The following RHEX variants were observed in gnomAD, a reference collection of about 807,000 sequenced individuals.
RHEX encodes the protein regulator of hemoglobinization and erythroid cell expansion protein.
RHEX carries 18 observed loss-of-function variants against 20.1 expected under a neutral mutation model. That is an observed-to-expected ratio of 0.90 (90% CI 0.62 to 1.33). The LOEUF is 1.33. Ranked by LOEUF, RHEX falls within the 40% of genes most tolerant of loss-of-function variation. RHEX has a pLI of 0.00. For missense variants in RHEX, 192 were observed against 214.3 expected (o/e 0.90, Z 0.65); for synonymous variants, 87 against 77.1 (o/e 1.13, Z -0.67).
intron 1 of RHEX, among the ~76,000 whole-genome samples, chr1:206,068,735 T>A (rs1662475407): frequency 6.6e-6 from 1 of 152,246 alleles, no homozygotes; most frequent in Admixed American, 6.5e-5. Context: ...GTGGAAATTT[T>A]AAACAGGTTT....
chr1:206,092,050 T>TTC (rs1294755530), intron 1 of RHEX, among the ~76,000 whole-genome samples: 3 of 144,764 alleles, frequency 2.1e-5, no homozygotes, highest in South Asian at 2.1e-4. Context: ...CTTTCTCTCT[T>TTC]TCTCTCTCTC....
intron 1 of RHEX, among the ~76,000 whole-genome samples, chr1:206,094,021 G>A (rs575217760): frequency 1.3e-5 from 2 of 152,270 alleles, no homozygotes; most frequent in South Asian, 4.1e-4. Context: ...CTACATTAGT[G>A]TGGGGGCTGG....
At chr1:206,068,682 A>G (rs782675193) in intron 1 of RHEX, among the ~76,000 whole-genome samples, 1 of 152,244 alleles carries the variant, frequency 6.6e-6, no homozygotes. Flanking sequence ...AGCCAATTGT[A>G]TATAAATCTT....
chr1:206,092,737 G>A (rs895433355), intron 1 of RHEX, among the ~76,000 whole-genome samples: 2 of 151,950 alleles, frequency 1.3e-5, no homozygotes, highest in Non-Finnish European at 2.9e-5. Context: ...CTGTTTCTGA[G>A]ATTAATAGTC....
At chr1:206,064,656 G>T (rs1426362945) in intron 1 of RHEX, among the ~76,000 whole-genome samples, 2 of 147,918 alleles carry the variant, frequency 1.4e-5, no homozygotes, top group African/African-American at 5.0e-5. Flanking sequence ...GGGAGGTGGG[G>T]GGGTCAGCCC....
chr1:206,094,570 C>A lies in RHEX; in HGVS notation c.-96-3163C>A, dbSNP rs559309986. Among the ~76,000 whole-genome samples, 22 of 152,328 alleles carry A rather than the reference C, an allele frequency of 1.4e-4. No individual in the cohort carries two copies. In the South Asian group the frequency reaches 2.3e-3, roughly 16 times the overall value. Reference sequence around the variant, plus strand: ...CTCTGTGAAGTAGGAAACTATTATTCTTCTCACTTTATAGATACTGAAATT... The same window carrying A: ...CTCTGTGAAGTAGGAAACTATTATTATTCTCACTTTATAGATACTGAAATT... On this transcript the variant is annotated intron_variant, in intron 1 of 5. Coordinates refer to ENST00000331555, the MANE Select transcript of RHEX (RefSeq NM_001007544.4).
intron 1 of RHEX, among the ~76,000 whole-genome samples, chr1:206,059,945 A>T (rs1319666916): frequency 2.0e-5 from 3 of 152,036 alleles, no homozygotes; most frequent in African/African-American, 2.4e-5. Flanking sequence ...CCCCTCTCAC[A>T]TGCCCTCCCC....
intron 1 of RHEX, among the ~76,000 whole-genome samples, chr1:206,085,399 A>G (rs566321009): frequency 1.8e-4 from 27 of 152,332 alleles, no homozygotes; most frequent in Non-Finnish European, 2.8e-4. Flanking sequence ...TAGCAGGCCA[A>G]TCGATGAAAC....
intron 1 of RHEX, among the ~76,000 whole-genome samples, chr1:206,095,636 G>A (rs1001501217): frequency 1.3e-5 from 2 of 152,136 alleles, no homozygotes; most frequent in Non-Finnish European, 2.9e-5. Flanking sequence ...GACCAACATG[G>A]AGAAACCCCG....
intron 1 of RHEX, among the ~76,000 whole-genome samples, chr1:206,063,602 C>G (rs34775252): frequency 6.6e-6 from 1 of 152,234 alleles, no homozygotes; most frequent in Admixed American, 6.5e-5. Flanking sequence ...CTGTGTTGGC[C>G]GGGCTGGTCT....
intron 1 of RHEX, among the ~76,000 whole-genome samples, chr1:206,057,825 A>G (rs1444664457): frequency 3.9e-5 from 6 of 152,262 alleles, no homozygotes; most frequent in Non-Finnish European, 8.8e-5. Context: ...CTTGGTCACA[A>G]GATGTCTCAT....
At chr1:206,094,619 A>C (rs979199417) in intron 1 of RHEX, among the ~76,000 whole-genome samples, 1 of 152,226 alleles carries the variant, frequency 6.6e-6, no homozygotes, top group Non-Finnish European at 1.5e-5. Context: ...ACTGAATTCA[A>C]TAATTAACAT....
Position 206,101,829 on chromosome 1 carries a change from T to C in RHEX, c.396T>C (p.Tyr132=). ...GELKNDSPLD[Y]ENIKEITDYV... is the part of the protein sequence containing the mutation. The stretch of plus-strand genomic sequence containing the variant: ...TAAAAAATGACTCCCCGCTGGACTA[T>C]GAGAACATAAAGGAAATCACAGATT... Residue 132 remains tyrosine (Y), a synonymous_variant, in exon 6 of 6, where the codon TAT becomes TAC. Coordinates refer to ENST00000331555, the MANE Select transcript of RHEX (RefSeq NM_001007544.4). The C allele has an allele frequency of 6.2e-7, 1 of 1,613,942 alleles. No homozygotes were observed. Among genetic ancestry groups the C allele is most frequent in the East Asian group, 2.2e-5 (1 of 44,884 alleles).
rs1663191594 is a variant in RHEX, at chr1:206,101,736, C to T, written c.319-16C>T. 1.2e-6 allele frequency: 2 copies of T among 1,603,342 alleles called. No individual in the cohort carries two copies. The highest frequency in any genetic ancestry group is 3.4e-5 in the Admixed American group (2 of 59,142). Reference sequence around the variant, plus strand: ...GGTAGGGATCTTGACCCACATGTCTCTGCTTTTCTCCTAAGGCCACAGAGG... The same window carrying T: ...GGTAGGGATCTTGACCCACATGTCTTTGCTTTTCTCCTAAGGCCACAGAGG... On this transcript the variant is annotated splice_polypyrimidine_tract_variant and intron_variant, in intron 5 of 5. Coordinates refer to ENST00000331555, the MANE Select transcript of RHEX (RefSeq NM_001007544.4).
chr1:206,053,544 G>A (rs180805570), intron 1 of RHEX, among the ~76,000 whole-genome samples: 38 of 152,174 alleles, frequency 2.5e-4, no homozygotes, highest in Admixed American at 2.0e-3. Context: ...GTTTTGTCTC[G>A]AAGAAGCATG....
At chr1:206,076,118 A>G (rs1662631795) in intron 1 of RHEX, among the ~76,000 whole-genome samples, 1 of 151,834 alleles carries the variant, frequency 6.6e-6, no homozygotes, top group South Asian at 2.1e-4. Context: ...CTTCCAGTCC[A>G]TTATTATGCT....
intron 3 of RHEX, among the ~76,000 whole-genome samples, chr1:206,099,295 C>T (rs1303097926): frequency 1.3e-5 from 2 of 151,032 alleles, no homozygotes; most frequent in African/African-American, 4.9e-5. Flanking sequence ...ATTCAAGAGC[C>T]GATGTGCCTA....
intron 1 of RHEX, among the ~76,000 whole-genome samples, chr1:206,063,925 G>A (rs1473636740): frequency 4.6e-5 from 7 of 151,290 alleles, no homozygotes; most frequent in South Asian, 2.1e-4. Flanking sequence ...CTGCCCGGCC[G>A]CCATCCCATC....
rs539856876 is a variant in RHEX at position 206,064,233 on chromosome 1, C to T, written c.-97+10968C>T. On this transcript the variant is annotated intron_variant, in intron 1 of 5. Transcript: ENST00000331555. The stretch of plus-strand genomic sequence containing the variant: ...CTGGGAAGTGAGGAGCGTCTCTGCC[C>T]GGCAGCCACCCCGTCCGGGAGGGAG... 1.6e-4 allele frequency among the ~76,000 whole-genome samples: 23 copies of T among 147,750 alleles called. 1 individual carries two copies. The South Asian group carries it at 3.2e-3, about 21-fold the overall frequency.
Sources: gnomAD v4.1 joint callset for allele counts (sites outside exome capture counted in the v4.1 genomes callset) on GRCh38, gnomAD v4.1.1 for gene constraint, MANE v1.5 for transcripts, NCBI Gene and HGNC (gene_info 2026-07-23, HGNC 2026-07-21) for gene names.